The following ROBO2 variants were observed in gnomAD, a reference collection of about 807,000 sequenced individuals.
ROBO2 encodes roundabout homolog 2.
A neutral mutation model predicts 160.8 loss-of-function variants in ROBO2; 53 were observed. The ratio of observed to expected loss-of-function variants is 0.33; its 90% CI spans 0.26 to 0.41. The LOEUF is 0.41. Ranked by LOEUF, ROBO2 falls within the 10% of genes least tolerant of loss-of-function variation. The pLI is 1.00. For missense variants in ROBO2, 1,577 were observed against 1,722.4 expected, an observed-to-expected ratio of 0.92 and a Z score of 1.49; for synonymous variants, 664 against 611.7, an observed-to-expected ratio of 1.09 and a Z score of -1.26.
chr3:76,570,886 C>G (rs1274014392), intron 2 of ROBO2, among the ~76,000 whole-genome samples: 1 of 152,100 alleles, frequency 6.6e-6, no homozygotes, highest in African/African-American at 2.4e-5. Flanking sequence ...CAGAATTCTA[C>G]CTCTCTCCTG....
At chr3:76,980,538 A>G (rs2060043187) in intron 2 of ROBO2, among the ~76,000 whole-genome samples, 1 of 152,202 alleles carries the variant, frequency 6.6e-6, no homozygotes, top group South Asian at 2.1e-4. Context: ...CATCAATAAC[A>G]AAATTTGTTT....
chr3:77,250,492 G>A (rs536113066), intron 2 of ROBO2, among the ~76,000 whole-genome samples: 5 of 152,288 alleles, frequency 3.3e-5, no homozygotes, highest in African/African-American at 9.6e-5. Context: ...TATCCAGCCA[G>A]TCAAAGTCTG....
chr3:76,820,854 A>G (rs1227698930), intron 2 of ROBO2, among the ~76,000 whole-genome samples: 2 of 152,012 alleles, frequency 1.3e-5, no homozygotes, highest in Admixed American at 6.6e-5. Context: ...CAGCTATTCA[A>G]CAGGGTTTTT....
chr3:77,266,276 T>C (rs1238382588), intron 2 of ROBO2, among the ~76,000 whole-genome samples: 4 of 152,158 alleles, frequency 2.6e-5, no homozygotes, highest in East Asian at 1.9e-4. Flanking sequence ...AAGTAGCTTA[T>C]AAATTGCAAT....
At chr3:76,869,095 C>T (rs901899310) in intron 2 of ROBO2, among the ~76,000 whole-genome samples, 16 of 151,976 alleles carry the variant, frequency 1.1e-4, no homozygotes, top group African/African-American at 3.6e-4. Flanking sequence ...AAGGAATAGA[C>T]ACAATCATGC....
intron 2 of ROBO2, among the ~76,000 whole-genome samples, chr3:77,454,665 TA>T (rs2081438769): frequency 1.3e-5 from 2 of 152,158 alleles, no homozygotes; most frequent in Admixed American, 1.3e-4. Flanking sequence ...TTCCTTTGAA[TA>T]TTTTTTTCAC....
chr3:77,614,045 T>C (rs749722752), intron 21 of ROBO2, among the ~76,000 whole-genome samples: 1 of 152,140 alleles, frequency 6.6e-6, no homozygotes, highest in Non-Finnish European at 1.5e-5. Flanking sequence ...GAAAACAAAT[T>C]AATTTATTTG....
At chr3:76,135,833 A>G (rs1181982817) in intron 2 of ROBO2, among the ~76,000 whole-genome samples, 2 of 152,158 alleles carry the variant, frequency 1.3e-5, no homozygotes, top group East Asian at 3.9e-4. Flanking sequence ...AACAAAAAAT[A>G]TATTTACCAT....
chr3:77,488,423 A>T (rs763011547), intron 4 of ROBO2, among the ~76,000 whole-genome samples: 11 of 152,308 alleles, frequency 7.2e-5, no homozygotes, highest in Non-Finnish European at 1.3e-4. Flanking sequence ...CCGTTTTTCA[A>T]TATGTGGTCA....
chr3:76,454,876 A>T (rs1479758383), intron 2 of ROBO2, among the ~76,000 whole-genome samples: 4 of 152,166 alleles, frequency 2.6e-5, no homozygotes, highest in African/African-American at 7.2e-5. Flanking sequence ...TAAGGAATTT[A>T]TTAAACAGGC....
At chr3:77,262,821 A>C (rs2058862734) in intron 2 of ROBO2, among the ~76,000 whole-genome samples, 1 of 152,274 alleles carries the variant, frequency 6.6e-6, no homozygotes, top group South Asian at 2.1e-4. Context: ...CATTTACAGG[A>C]AGTCTGAGAC....
intron 2 of ROBO2, among the ~76,000 whole-genome samples, chr3:76,272,964 AT>A (rs1707646045): frequency 8.0e-5 from 1 of 12,438 alleles, no homozygotes; most frequent in Non-Finnish European, 1.4e-3. Context: ...ATATATATTT[AT>A]ATATAAAATA....
At chr3:76,165,856 A>G (rs1230078407) in intron 2 of ROBO2, among the ~76,000 whole-genome samples, 1 of 152,148 alleles carries the variant, frequency 6.6e-6, no homozygotes, top group Non-Finnish European at 1.5e-5. Flanking sequence ...GAAGGAAAGA[A>G]GCCATCTCCA....
At chr3:76,686,490 A>G (rs2092688174) in intron 2 of ROBO2, among the ~76,000 whole-genome samples, 1 of 148,710 alleles carries the variant, frequency 6.7e-6, no homozygotes. Context: ...TATATAAGCC[A>G]TATATTCTCT....
chr3:77,353,214 C>T (rs1364039700), intron 2 of ROBO2, among the ~76,000 whole-genome samples: 1 of 152,144 alleles, frequency 6.6e-6, no homozygotes, highest in African/African-American at 2.4e-5. Flanking sequence ...CAAAGCTGTA[C>T]ATTGAACCAG....
chr3:77,112,908 C>A (rs780444819), intron 2 of ROBO2, among the ~76,000 whole-genome samples: 1 of 152,144 alleles, frequency 6.6e-6, no homozygotes, highest in Non-Finnish European at 1.5e-5. Context: ...TACGTTTTTC[C>A]TCAGAGGAAA....
chr3:77,463,296 T>G (rs945951751), intron 2 of ROBO2, among the ~76,000 whole-genome samples: 6 of 152,130 alleles, frequency 3.9e-5, no homozygotes, highest in African/African-American at 1.4e-4. Flanking sequence ...AAATTAAAGG[T>G]CATATTAAAA....
intron 2 of ROBO2, among the ~76,000 whole-genome samples, chr3:77,354,192 T>A (rs943396001): frequency 2.0e-5 from 3 of 152,184 alleles, no homozygotes; most frequent in Non-Finnish European, 4.4e-5. Context: ...GGAATAGTCT[T>A]CTATTTCCTG....
At chr3:77,537,286 G>A (rs902761267) in intron 6 of ROBO2, among the ~76,000 whole-genome samples, 6 of 151,842 alleles carry the variant, frequency 4.0e-5, no homozygotes, top group African/African-American at 7.3e-5. Context: ...TTTTTTGTGG[G>A]GAGGAGGTTC....
Sources: gnomAD v4.1 joint callset for allele counts (sites outside exome capture counted in the v4.1 genomes callset) on GRCh38, gnomAD v4.1.1 for gene constraint, MANE v1.5 for transcripts, NCBI Gene and HGNC (gene_info 2026-07-23, HGNC 2026-07-21) for gene names.